The following HSPD1 variants were observed in gnomAD, a reference collection of about 807,000 sequenced individuals.
HSPD1 encodes the protein 60 kDa heat shock protein, mitochondrial.
In HSPD1, 3 loss-of-function variants were observed where a neutral mutation model predicts 53.0. The observed-to-expected ratio is 0.06, with a 90% CI of 0.03 to 0.15. The LOEUF is 0.15. Among genes scored for constraint, HSPD1 ranks in the 10% least tolerant of loss-of-function variants. The pLI, the probability that HSPD1 is intolerant of heterozygous loss-of-function variation, is 1.00. For missense variants in HSPD1, 431 were observed against 694.1 expected, an observed-to-expected ratio of 0.62 and a Z score of 4.26; for synonymous variants, 200 against 228.0, an observed-to-expected ratio of 0.88 and a Z score of 1.10.
At chr2:197,494,084 CG>C in intron 6 of HSPD1, 72 bp downstream of exon 6, 1 of 783,816 alleles carries the variant, frequency 1.3e-6, no homozygotes, top group Non-Finnish European at 2.2e-6. Context: ...GCACTCCAGC[CG>C]GGGCAACAGA....
intron 1 of HSPD1, 23 bp from the exon 2 acceptor site, chr2:197,498,873 C>T (rs369029701): frequency 6.2e-7 from 1 of 1,610,696 alleles, no homozygotes; most frequent in Non-Finnish European, 8.5e-7. Context: ...GCAAAAAGAT[C>T]ATCAGAACTA....
At chr2:197,496,590 C>T (rs1037496354) in intron 3 of HSPD1, among the ~76,000 whole-genome samples, 1 of 152,190 alleles carries the variant, frequency 6.6e-6, no homozygotes, top group Admixed American at 6.5e-5. Flanking sequence ...GAATTTAAGT[C>T]TATACTGCCA....
chr2:197,500,233 C>T (rs1346747885), upstream of HSPD1: 9 of 651,648 alleles, frequency 1.4e-5, no homozygotes. Flanking sequence ...CGTCAGCGTC[C>T]TGCGCAGGGC....
intron 7 of HSPD1, among the ~76,000 whole-genome samples, chr2:197,492,289 C>T (rs1289288732): frequency 6.6e-6 from 1 of 152,210 alleles, no homozygotes. Context: ...CTCCCAGATT[C>T]AAGTGATTCT....
chr2:197,495,824 G>A (rs1453570308), intron 3 of HSPD1, among the ~76,000 whole-genome samples: 1 of 152,100 alleles, frequency 6.6e-6, no homozygotes, highest in Non-Finnish European at 1.5e-5. Context: ...ACAGAGTTGC[G>A]TGGCATGTAC....
chr2:197,489,225 G>A lies in HSPD1; in HGVS notation c.992C>T (p.Thr331Ile). The A allele has an allele frequency of 3.7e-6, 6 of 1,614,056 alleles. No homozygotes were observed. The highest frequency in any genetic ancestry group is 2.2e-5 in the East Asian group (1 of 44,886). Residue 331 changes from threonine (T) to isoleucine (I), a missense_variant, in exon 9 of 12, where the codon ACC becomes ATC. Around this residue, in one of 2 missense-constraint regions of HSPD1, gnomAD observed 386 missense variants for 657.6 expected, o/e 0.59. Coordinates refer to ENST00000388968, the MANE Select transcript of HSPD1 (RefSeq NM_002156.5). ...GGAVFGEEGL[T>I]LNLEDVQPHD... is the part of the protein sequence containing the mutation. The stretch of plus-strand genomic sequence containing the variant: ...AGGCTGAACGTCTTCAAGATTCAGG[G>A]TCAATCCCTCTTCTCCAAACACCTA...
intron 7 of HSPD1, among the ~76,000 whole-genome samples, chr2:197,490,814 T>C (rs188269617): frequency 6.6e-6 from 1 of 152,206 alleles, no homozygotes; most frequent in Non-Finnish European, 1.5e-5. Context: ...TTACTAAATA[T>C]TACATTTGAG....
chr2:197,493,385 G>A lies in HSPD1; in HGVS notation c.808C>T (p.Pro270Ser), dbSNP rs2086118206. The change falls in exon 7 of 12, where the codon CCT becomes TCT. Residue 270 changes from proline to serine, a missense_variant. Pro to Ser is a moderately conservative substitution (Grantham distance 74, BLOSUM62 -1). Transcript: ENST00000388968. ...ALEIANAHRK[P>S]LVIIAEDVDG... ...ACATCTTCAGCGATTATGACCAAAG[G>A]CTTACGGTGAGCATTGGCAATTTCA... 1 of 1,613,560 alleles carries A rather than the reference G, an allele frequency of 6.2e-7. No homozygotes were observed. Among genetic ancestry groups the A allele is most frequent in the Admixed American group, 1.7e-5 (1 of 59,950 alleles).
intron 2 of HSPD1, among the ~76,000 whole-genome samples, chr2:197,498,338 T>C (rs934828125): frequency 1.3e-5 from 2 of 152,212 alleles, no homozygotes; most frequent in Non-Finnish European, 2.9e-5. Flanking sequence ...TAAACTCTTC[T>C]CTCTACACTT....
chr2:197,491,190 G>GTTT (rs1261711864), intron 7 of HSPD1, among the ~76,000 whole-genome samples: 1 of 136,772 alleles, frequency 7.3e-6, no homozygotes, highest in African/African-American at 2.8e-5. Context: ...TTTTTTGTGT[G>GTTT]TTTTTTTTTT....
chr2:197,487,926 C>T lies in HSPD1; in HGVS notation c.1501G>A (p.Val501Ile). 1 of 1,613,726 alleles carries T rather than the reference C, an allele frequency of 6.2e-7. No homozygotes were observed. The highest frequency in any genetic ancestry group is 8.5e-7 in the Non-Finnish European group (1 of 1,179,654). The change falls in exon 11 of 12, where the codon GTT becomes ATT. Residue 501 changes from valine to isoleucine, a missense_variant. This residue lies in a region of HSPD1 where 386 missense variants were observed against 657.6 expected (regional missense o/e 0.59). Coordinates refer to ENST00000388968, the MANE Select transcript of HSPD1 (RefSeq NM_002156.5). ...TCTCCAGCCATAGCATCATAACCAA[C>T]TTCTGAGGAACTTTGCATAATTTTC... Reference protein sequence around the residue: ...VEKIMQSSSEVGYDAMAGDFV... With the variant: ...VEKIMQSSSEIGYDAMAGDFV...
chr2:197,499,735 C>CG (rs1574606350), intron 1 of HSPD1, 47 bp downstream of exon 1: 1 of 151,842 alleles, frequency 6.6e-6, no homozygotes, highest in African/African-American at 2.4e-5. Context: ...AAGGCCCACT[C>CG]GGGGGTCGCA....
intron 11 of HSPD1, 75 bp from the exon 12 acceptor site, chr2:197,487,273 C>A: frequency 7.5e-7 from 1 of 1,329,098 alleles, no homozygotes; most frequent in Admixed American, 1.9e-5. Context: ...TCTGTCTGGG[C>A]ATGGTGGCTC....
chr2:197,498,874 A>G, intron 1 of HSPD1, 24 bp from the exon 2 acceptor site: 1 of 1,609,654 alleles, frequency 6.2e-7, no homozygotes, highest in East Asian at 2.2e-5. Context: ...CAAAAAGATC[A>G]TCAGAACTAC....
upstream of HSPD1, chr2:197,500,257 C>T (rs763864525): frequency 3.9e-6 from 3 of 760,862 alleles, no homozygotes; most frequent in Non-Finnish European, 6.5e-6. Context: ...TGGGGCGAAT[C>T]GCGGTGCGCG....
intron 4 of HSPD1, 188 bp from the exon 5 acceptor site, chr2:197,494,940 T>G: frequency 3.2e-6 from 2 of 627,512 alleles, no homozygotes; most frequent in Non-Finnish European, 5.7e-6. Flanking sequence ...TTGACTACAT[T>G]GTTTTGAAGA....
intron 11 of HSPD1, 114 bp downstream of exon 11, chr2:197,487,743 TG>T (rs1333354328): frequency 1.4e-5 from 11 of 792,376 alleles, no homozygotes; most frequent in Non-Finnish European, 2.4e-5. Flanking sequence ...GAGCTATTGC[TG>T]TTGCTACTGC....
chr2:197,498,772 T>A lies in HSPD1; in HGVS notation c.77A>T (p.Tyr26Phe). 1 of 1,614,218 alleles carries A rather than the reference T, an allele frequency of 6.2e-7. No homozygotes were observed. ...RVLAPHLTRA[Y>F]AKDVKFGADA... is the part of the protein sequence containing the mutation. ...TGCACCAAATTTTACATCTTTGGCA[T>A]AAGCCCGAGTGAGATGAGGAGCCAG... Residue 26 changes from tyrosine (Y) to phenylalanine (F), a missense_variant, in exon 2 of 12, where the codon TAT becomes TTT. Around this residue, in one of 2 missense-constraint regions of HSPD1, gnomAD observed 45 missense variants for 36.5 expected, o/e 1.23. Coordinates refer to ENST00000388968, the MANE Select transcript of HSPD1 (RefSeq NM_002156.5).
intron 11 of HSPD1, 85 bp downstream of exon 11, chr2:197,487,773 G>T: frequency 1.8e-6 from 2 of 1,133,760 alleles, no homozygotes; most frequent in Non-Finnish European, 2.7e-6. Flanking sequence ...TATTTTTCTG[G>T]TGACAAAATC....
Sources: gnomAD v4.1 joint callset for allele counts (sites outside exome capture counted in the v4.1 genomes callset) on GRCh38, gnomAD v4.1.1 for gene constraint, gnomAD v4.1.1 regional missense constraint, MANE v1.5 for transcripts, NCBI Gene and HGNC (gene_info 2026-07-23, HGNC 2026-07-21) for gene names.